Variants in MYZAP observed in about 807,000 individuals in gnomAD.
MYZAP encodes the protein GRINL1A complex locus upstream.
In MYZAP, 66 loss-of-function variants were observed where a neutral mutation model predicts 69.4. The ratio of observed to expected loss-of-function variants is 0.95; its 90% CI spans 0.78 to 1.17. The LOEUF (loss-of-function observed/expected upper bound fraction) is 1.17. Among genes scored for constraint, MYZAP ranks in the 50% most tolerant of loss-of-function variants. The pLI, the probability that MYZAP is intolerant of heterozygous loss-of-function variation, is 0.00. For synonymous variants in MYZAP, 256 were observed against 205.9 expected, an observed-to-expected ratio of 1.24 and a Z score of -2.09; for missense variants, 611 against 556.2, an observed-to-expected ratio of 1.10 and a Z score of -0.99.
At chr15:57,635,712 G>A (rs1490385225) in intron 8 of MYZAP, among the ~76,000 whole-genome samples, 22 of 152,254 alleles carry the variant, frequency 1.4e-4, no homozygotes, top group African/African-American at 5.3e-4. Context: ...TGTGAGAGCA[G>A]GAATCTGGCC....
chr15:57,607,634 A>T (rs1477203474), intron 2 of MYZAP, among the ~76,000 whole-genome samples: 1 of 152,174 alleles, frequency 6.6e-6, no homozygotes, highest in Non-Finnish European at 1.5e-5. Context: ...CACTGCTGGG[A>T]TAGCATATGC....
intron 6 of MYZAP, among the ~76,000 whole-genome samples, chr15:57,632,188 A>G (rs1451647117): frequency 6.6e-6 from 1 of 152,202 alleles, no homozygotes; most frequent in Non-Finnish European, 1.5e-5. Flanking sequence ...AAAGTCACTC[A>G]TGTGGAGCAT....
chr15:57,647,247 A>T lies in MYZAP; in HGVS notation c.1119+7702A>T, dbSNP rs570359278. ...AGATGAATACTTTTCCGCATTAGTT[A>T]TTAACCATTAATATTGTTCACCTGT... On this transcript the variant is annotated intron_variant, in intron 10 of 12. Transcript: ENST00000267853. 7 of 985,432 alleles carry T rather than the reference A, an allele frequency of 7.1e-6. No individual in the cohort carries two copies. The African/African-American group carries it at 1.0e-4, about 15-fold the overall frequency. The allele number at this position is 985,432 out of a possible 1,614,324, so 61.0% of individuals were successfully genotyped here.
intron 11 of MYZAP, among the ~76,000 whole-genome samples, chr15:57,666,873 T>C (rs1324407380): frequency 2.0e-5 from 3 of 152,190 alleles, no homozygotes; most frequent in Admixed American, 2.0e-4. Flanking sequence ...CATTCTTTTT[T>C]CTTTTTCTTT....
In MYZAP at chr15:57,633,696, C is replaced by T; in HGVS notation, c.888C>T (p.Asp296=). The change falls in exon 8 of 13, where the codon GAC becomes GAT. Residue 296 remains aspartate (D), a synonymous_variant. Coordinates refer to ENST00000267853, the MANE Select transcript of MYZAP (RefSeq NM_001018100.5). ...CAGAGATCAGCCTAGAGGAGAAAGA[C>T]CAGAGGATCGGGGAGCTGGACAGGC... The part of the protein sequence containing the change: ...QAAEISLEEK[D]QRIGELDRLI... 1 of 1,612,550 alleles carries T rather than the reference C, an allele frequency of 6.2e-7. No individual in the cohort carries two copies. Among genetic ancestry groups the T allele is most frequent in the Non-Finnish European group, 8.5e-7 (1 of 1,179,382 alleles).
chr15:57,606,251 G>A (rs1313184544), intron 2 of MYZAP, among the ~76,000 whole-genome samples: 1 of 152,172 alleles, frequency 6.6e-6, no homozygotes, highest in Non-Finnish European at 1.5e-5. Flanking sequence ...AGTGGAACGA[G>A]CTGATGTTAC....
intron 5 of MYZAP, among the ~76,000 whole-genome samples, chr15:57,628,514 A>G (rs1293507805): frequency 2.0e-5 from 3 of 151,974 alleles, no homozygotes; most frequent in Admixed American, 6.6e-5. Flanking sequence ...CAGCCTCCCA[A>G]AGTGCTGGGA....
In MYZAP at chr15:57,661,458, A is replaced by G. The variant is rs983679332; in HGVS notation, c.1128A>G (p.Ser376=). 19 of 1,607,108 alleles carry G rather than the reference A, an allele frequency of 1.2e-5. No individual in the cohort carries two copies. The highest frequency in any genetic ancestry group is 2.2e-5 in the South Asian group (2 of 89,652). The change falls in exon 11 of 13, where the codon TCA becomes TCG. Residue 376 remains serine (S), a synonymous_variant. Coordinates refer to ENST00000267853, the MANE Select transcript of MYZAP (RefSeq NM_001018100.5). The part of the protein sequence containing the change: ...KVKQMVEEIE[S]LKKKLQQKQL... ...CATCCCTTTCTTTCTAGATTGAATCATTAAAGAAAAAGTTGCAACAGAAAC... is the reference window on the plus strand; with the variant it reads ...CATCCCTTTCTTTCTAGATTGAATCGTTAAAGAAAAAGTTGCAACAGAAAC...
chr15:57,670,741 C>G (rs2038829453), intron 11 of MYZAP, among the ~76,000 whole-genome samples: 1 of 151,604 alleles, frequency 6.6e-6, no homozygotes, highest in Non-Finnish European at 1.5e-5. Flanking sequence ...TTAAGTTATC[C>G]ATTGGCATTT....
intron 11 of MYZAP, among the ~76,000 whole-genome samples, chr15:57,664,132 G>T (rs1469137674): frequency 6.7e-6 from 1 of 150,328 alleles, no homozygotes; most frequent in Non-Finnish European, 1.5e-5. Context: ...TTTTCTTAGG[G>T]CTAACATCAT....
intron 5 of MYZAP, among the ~76,000 whole-genome samples, chr15:57,626,778 C>G (rs2036161642): frequency 6.6e-6 from 1 of 152,338 alleles, no homozygotes; most frequent in African/African-American, 2.4e-5. Context: ...TCCCCTAATT[C>G]TCTGATAACA....
rs556215088 is a variant in MYZAP, at chr15:57,677,189, G to A, written c.1304+2121G>A. On this transcript the variant is annotated intron_variant, in intron 12 of 12. Transcript: ENST00000267853. ...CTCCTGGAGAGGCTTCGGGATGCCC[G>A]GGGGGATGAGGAGGGTTAGTGAGCG... Among the ~76,000 whole-genome samples the A allele has an allele frequency of 1.1e-3, 164 of 152,270 alleles. 3 individuals are homozygous for A. Among genetic ancestry groups the A allele is most frequent in the South Asian group, 8.1e-3 (39 of 4,820 alleles).
At chr15:57,602,241 G>A (rs1227186002) in intron 1 of MYZAP, among the ~76,000 whole-genome samples, 3 of 152,100 alleles carry the variant, frequency 2.0e-5, no homozygotes, top group Non-Finnish European at 4.4e-5. Context: ...CTACCACAAC[G>A]CCATTGGCTT....
At chr15:57,604,646 G>A (rs2034630671) in intron 2 of MYZAP, among the ~76,000 whole-genome samples, 1 of 152,224 alleles carries the variant, frequency 6.6e-6, no homozygotes, top group Admixed American at 6.5e-5. Context: ...CTGTGGCGGG[G>A]AACGTGGGTT....
intron 1 of MYZAP, among the ~76,000 whole-genome samples, chr15:57,596,939 T>G (rs1451208129): frequency 6.6e-6 from 1 of 152,136 alleles, no homozygotes; most frequent in Admixed American, 6.5e-5. Flanking sequence ...GATTACCTAC[T>G]GGAAGACAGG....
chr15:57,681,516 G>C (rs1442267798), intron 12 of MYZAP, among the ~76,000 whole-genome samples: 2 of 152,238 alleles, frequency 1.3e-5, no homozygotes, highest in African/African-American at 2.4e-5. Flanking sequence ...TGGCGTGGTG[G>C]CTCACGCCTG....
rs138915522 is a variant in MYZAP at position 57,674,071 on chromosome 15, G to A, written c.1204-897G>A. Among the ~76,000 whole-genome samples the A allele has an allele frequency of 2.4e-3, 364 of 152,178 alleles. 3 individuals carry two copies. Among genetic ancestry groups the A allele is most frequent in the African/African-American group, 8.3e-3 (344 of 41,512 alleles). On this transcript the variant is annotated intron_variant, in intron 11 of 12. Coordinates refer to ENST00000267853, the MANE Select transcript of MYZAP (RefSeq NM_001018100.5). ...TAGCGTTACTGAAAAATATATAGAA[G>A]CACTTTTTAAAAAGCATCCCAGAAT...
chr15:57,620,156 C>A (rs1393511777), intron 3 of MYZAP, among the ~76,000 whole-genome samples: 1 of 152,126 alleles, frequency 6.6e-6, no homozygotes. Flanking sequence ...CCTCATTTTC[C>A]CAAAATGTTT....
chr15:57,591,912 T>G lies in MYZAP; in HGVS notation c.-123T>G. The stretch of plus-strand genomic sequence containing the variant: ...CGGCCCCACCCCCGGGCCTTCGCGG[T>G]GCAGCTGAGGCTGCAAGTAGCCGGC... On this transcript the variant is annotated 5_prime_UTR_variant, in exon 1 of 13. Transcript: ENST00000267853. The G allele has an allele frequency of 1.1e-6, 1 of 926,118 alleles. No homozygotes were observed. Among genetic ancestry groups the G allele is most frequent in the Non-Finnish European group, 1.4e-6 (1 of 728,370 alleles). 57.4% of individuals were successfully genotyped at this position (926,118 alleles called of 1,614,324 possible). A position where few individuals can be genotyped will look rare whatever the true frequency, so the allele number is the denominator to read the frequency against.
Sources: allele counts gnomAD v4.1 joint callset (sites outside exome capture counted in the v4.1 genomes callset), GRCh38; gene constraint gnomAD v4.1.1; transcripts MANE v1.5; gene names NCBI Gene and HGNC (gene_info 2026-07-23, HGNC 2026-07-21).